SUMF1: variants seen among roughly 807,000 people sequenced by gnomAD.
The protein encoded by SUMF1 is sulfatase modifying factor 1.
A neutral mutation model predicts 47.6 loss-of-function variants in SUMF1; 48 were observed. The ratio of observed to expected loss-of-function variants is 1.01; its 90% CI spans 0.80 to 1.28. The LOEUF is 1.28. Among genes scored for constraint, SUMF1 ranks in the 50% most tolerant of loss-of-function variants. The pLI, the probability that SUMF1 is intolerant of heterozygous loss-of-function variation, is 0.00. For missense variants in SUMF1, 571 were observed against 485.4 expected (o/e 1.18, Z -1.66); for synonymous variants, 230 against 192.1 (o/e 1.20, Z -1.63).
At chr3:4,220,461 C>T (rs1028453217) in intron 8 of SUMF1, among the ~76,000 whole-genome samples, 2 of 152,070 alleles carry the variant, frequency 1.3e-5, no homozygotes. Context: ...CTTTCCAGGT[C>T]ATTCTGTGAA....
In SUMF1 at chr3:4,120,065, T is replaced by C. The variant is rs180882123; in HGVS notation, c.1015-51320A>G. ...CATATCCTCACAGAGGAGAGAAAGCTGAGCCAGGCACAATGTTCCTAAATA... is the reference window on the plus strand; with the variant it reads ...CATATCCTCACAGAGGAGAGAAAGCCGAGCCAGGCACAATGTTCCTAAATA... On this transcript the variant is annotated intron_variant and NMD_transcript_variant, in intron 8 of 12. Transcript: ENST00000448413. 3.9e-5 allele frequency among the ~76,000 whole-genome samples: 6 copies of C among 152,284 alleles called. No individual in the cohort carries two copies. The East Asian group carries it at 1.2e-3, about 29-fold the overall frequency.
At chr3:4,078,705 G>A (rs938492733) in intron 8 of SUMF1, among the ~76,000 whole-genome samples, 6 of 151,538 alleles carry the variant, frequency 4.0e-5, no homozygotes, top group African/African-American at 1.2e-4. Context: ...CCAAGAATTT[G>A]AGTCCATCCT....
chr3:4,443,891 C>T (rs2125109271), intron 3 of SUMF1, among the ~76,000 whole-genome samples: 1 of 151,890 alleles, frequency 6.6e-6, no homozygotes, highest in Middle Eastern at 3.4e-3. Flanking sequence ...AACAAAAGGA[C>T]ACACAAAATA....
At chr3:4,232,191 T>C (rs1016095827) in intron 8 of SUMF1, among the ~76,000 whole-genome samples, 2 of 151,930 alleles carry the variant, frequency 1.3e-5, no homozygotes, top group South Asian at 4.2e-4. Flanking sequence ...GGCAGGAGAG[T>C]GTCAGACCCA....
intron 8 of SUMF1, among the ~76,000 whole-genome samples, chr3:4,178,489 A>T (rs1004236443): frequency 6.6e-6 from 1 of 152,176 alleles, no homozygotes; most frequent in African/African-American, 2.4e-5. Flanking sequence ...AAAATTCAAC[A>T]GCCCTTCATG....
At chr3:4,463,012 G>T (rs1001497201) in intron 1 of SUMF1, among the ~76,000 whole-genome samples, 12 of 152,166 alleles carry the variant, frequency 7.9e-5, no homozygotes, top group African/African-American at 2.7e-4. Flanking sequence ...AATGTTTCTT[G>T]AAAAAGTATG....
intron 8 of SUMF1, among the ~76,000 whole-genome samples, chr3:4,084,678 G>A (rs780247974): frequency 1.3e-5 from 2 of 151,978 alleles, no homozygotes; most frequent in African/African-American, 4.8e-5. Flanking sequence ...CTGCTCTTGA[G>A]TTTATTAGCA....
chr3:4,129,251 G>A (rs1370640094), intron 8 of SUMF1, among the ~76,000 whole-genome samples: 1 of 152,026 alleles, frequency 6.6e-6, no homozygotes, highest in Admixed American at 6.6e-5. Context: ...AAGGTGGCAG[G>A]GGCCAAATGG....
chr3:4,091,855 T>C (rs1692793857), intron 8 of SUMF1, among the ~76,000 whole-genome samples: 1 of 151,686 alleles, frequency 6.6e-6, no homozygotes. Context: ...ATGCTCCCAT[T>C]TCAATTCAAC....
At chr3:4,084,226 G>T (rs1692625303) in intron 8 of SUMF1, among the ~76,000 whole-genome samples, 1 of 152,180 alleles carries the variant, frequency 6.6e-6, no homozygotes, top group Admixed American at 6.5e-5. Context: ...TATTCTGCCA[G>T]TCAAGTCCAG....
chr3:4,165,490 G>A (rs1367809719), intron 8 of SUMF1, among the ~76,000 whole-genome samples: 1 of 152,086 alleles, frequency 6.6e-6, no homozygotes, highest in East Asian at 1.9e-4. Flanking sequence ...GGAAGGCTAG[G>A]ATATGGAGGT....
rs532369815 is a variant in SUMF1, at chr3:4,050,761, A to G, written c.1191+17808T>C. On this transcript the variant is annotated intron_variant and NMD_transcript_variant, in intron 9 of 12. Coordinates refer to the SUMF1 transcript ENST00000448413. ...GAGACCCTGTCTCAAAAAAAAAAAAAAAAAAGAAAGAAAAAAGAAAAGAAA... is the reference window on the plus strand; with the variant it reads ...GAGACCCTGTCTCAAAAAAAAAAAAGAAAAAGAAAGAAAAAAGAAAAGAAA... Among the ~76,000 whole-genome samples, 32 of 151,204 alleles carry G rather than the reference A, an allele frequency of 2.1e-4. No homozygotes were observed. In the South Asian group the frequency reaches 3.5e-3, roughly 17 times the overall value.
chr3:4,316,367 G>A, intron 8 of SUMF1: 1 of 1,546,476 alleles, frequency 6.5e-7, no homozygotes, highest in Non-Finnish European at 8.7e-7. Flanking sequence ...GGTTCAAGAA[G>A]TTTTGCAAAG....
intron 8 of SUMF1, chr3:4,316,640 C>G (rs533632219): frequency 2.6e-6 from 4 of 1,551,086 alleles, no homozygotes; most frequent in Non-Finnish European, 3.5e-6. Flanking sequence ...TTCTACGCAA[C>G]CACAACGAAC....
rs114387972 is a variant in SUMF1 at position 4,138,474 on chromosome 3, C to T, written c.1015-69729G>A. Among the ~76,000 whole-genome samples the T allele has an allele frequency of 4.5e-3, 686 of 152,220 alleles. 2 individuals are homozygous for T. The highest frequency in any genetic ancestry group is 6.8e-3 in the Non-Finnish European group (459 of 67,992). On this transcript the variant is annotated intron_variant and NMD_transcript_variant, in intron 8 of 12. Coordinates refer to the SUMF1 transcript ENST00000448413. ...ACCTCCAGAGGAATCAGAGACTAAA[C>T]TTATTAGCCTGACCTTCCAGAAGGG...
intron 8 of SUMF1, among the ~76,000 whole-genome samples, chr3:4,076,251 A>T (rs145676027): frequency 6.6e-6 from 1 of 152,184 alleles, no homozygotes; most frequent in African/African-American, 2.4e-5. Flanking sequence ...AGGATTCCCT[A>T]TTTAATAAAT....
chr3:4,090,785 T>A (rs1452335051), intron 8 of SUMF1, among the ~76,000 whole-genome samples: 1 of 152,140 alleles, frequency 6.6e-6, no homozygotes, highest in African/African-American at 2.4e-5. Context: ...GTAAACATTA[T>A]CTTGTTTTTA....
chr3:4,202,850 G>A (rs1281390441), intron 8 of SUMF1, among the ~76,000 whole-genome samples: 2 of 151,850 alleles, frequency 1.3e-5, no homozygotes, highest in East Asian at 3.9e-4. Context: ...TCATTCAGGA[G>A]CATATTGTTA....
At chr3:4,352,390 C>CAAGAGAAGACATAGAACAACCACAA (rs1699522305) in intron 8 of SUMF1, among the ~76,000 whole-genome samples, 1 of 152,198 alleles carries the variant, frequency 6.6e-6, no homozygotes, top group South Asian at 2.1e-4. Context: ...CCAGCCAAGA[C>CAAGAGAAGACATAGAACAACCACAA]AAGAGAAGAC....
Sources: gnomAD v4.1 joint callset for allele counts (sites outside exome capture counted in the v4.1 genomes callset) on GRCh38, gnomAD v4.1.1 for gene constraint, MANE v1.5 for transcripts, NCBI Gene and HGNC (gene_info 2026-07-23, HGNC 2026-07-21) for gene names.